MGAT5: variants seen among roughly 807,000 people sequenced by gnomAD.
The protein encoded by MGAT5 is alpha-1,6-mannosylglycoprotein 6-beta-N-acetylglucosaminyltransferase A.
Under a neutral mutation model 94.3 loss-of-function variants are expected in MGAT5, and 30 were observed. The ratio of observed to expected loss-of-function variants is 0.32; its 90% CI spans 0.24 to 0.43. The LOEUF (loss-of-function observed/expected upper bound fraction) is 0.43. Among genes scored for constraint, MGAT5 ranks in the 20% least tolerant of loss-of-function variants. The pLI, the probability that MGAT5 is intolerant of heterozygous loss-of-function variation, is 1.00. For synonymous variants in MGAT5, 310 were observed against 322.9 expected (o/e 0.96, Z 0.43); for missense variants, 691 against 905.5 (o/e 0.76, Z 3.04).
intron 7 of MGAT5, among the ~76,000 whole-genome samples, chr2:134,342,901 A>C (rs148472929): frequency 6.6e-6 from 1 of 152,252 alleles, no homozygotes; most frequent in East Asian, 1.9e-4. Context: ...TATTAAAAAT[A>C]ATTACACAAA....
At chr2:134,275,550 G>A (rs1684304291) in intron 2 of MGAT5, among the ~76,000 whole-genome samples, 1 of 136,340 alleles carries the variant, frequency 7.3e-6, no homozygotes, top group African/African-American at 2.8e-5. Flanking sequence ...ACACATTTTG[G>A]TTTTCACAAA....
chr2:134,128,760 C>T (rs887132443), intron 1 of MGAT5, among the ~76,000 whole-genome samples: 3 of 152,100 alleles, frequency 2.0e-5, no homozygotes, highest in Admixed American at 6.5e-5. Context: ...TGGAGAGACA[C>T]GAGTCTTACT....
intron 1 of MGAT5, among the ~76,000 whole-genome samples, chr2:134,219,105 G>T (rs2105345196): frequency 6.6e-6 from 1 of 152,282 alleles, no homozygotes; most frequent in East Asian, 1.9e-4. Flanking sequence ...AGGTGTGAGT[G>T]CGGTGGAGTG....
intron 1 of MGAT5, among the ~76,000 whole-genome samples, chr2:134,120,714 A>C (rs1037342972): frequency 6.6e-6 from 1 of 151,708 alleles, no homozygotes; most frequent in Non-Finnish European, 1.5e-5. Context: ...GTCACGCCGC[A>C]GGCGTGGGCC....
At chr2:134,329,556 C>G (rs1374104539) in intron 4 of MGAT5, among the ~76,000 whole-genome samples, 1 of 151,992 alleles carries the variant, frequency 6.6e-6, no homozygotes, top group Non-Finnish European at 1.5e-5. Flanking sequence ...AAAAGTTTAG[C>G]CAATGTGCTT....
intron 2 of MGAT5, among the ~76,000 whole-genome samples, chr2:134,312,739 C>T (rs1354628179): frequency 6.6e-6 from 1 of 152,128 alleles, no homozygotes; most frequent in Non-Finnish European, 1.5e-5. Context: ...GTTGGCATTT[C>T]AGCACGTGGC....
chr2:134,130,837 T>G (rs12615666), intron 1 of MGAT5, among the ~76,000 whole-genome samples: 9,164 of 152,180 alleles, frequency 0.06, 708 homozygotes, highest in East Asian at 0.26. Context: ...GTCTAGCTAA[T>G]CTAGTGGGGA....
chr2:134,326,287 G>A (rs1439110), intron 4 of MGAT5, among the ~76,000 whole-genome samples: 115,727 of 151,838 alleles, frequency 0.76, 45,086 homozygotes, highest in East Asian at 0.91. Flanking sequence ...TTTTATTATC[G>A]TTATGTAGTA....
At chr2:134,246,549 A>G (rs1682274082) in intron 1 of MGAT5, among the ~76,000 whole-genome samples, 1 of 152,202 alleles carries the variant, frequency 6.6e-6, no homozygotes, top group Non-Finnish European at 1.5e-5. Context: ...TTCTTACACC[A>G]GTAATCCTGT....
chr2:134,130,455 C>T (rs1009146962), intron 1 of MGAT5, among the ~76,000 whole-genome samples: 22 of 152,260 alleles, frequency 1.4e-4, no homozygotes, highest in Admixed American at 7.2e-4. Context: ...ATCCACTAGG[C>T]GAAGCTAGCT....
intron 2 of MGAT5, among the ~76,000 whole-genome samples, chr2:134,291,209 G>A (rs146491753): frequency 2.6e-5 from 4 of 152,274 alleles, no homozygotes; most frequent in African/African-American, 7.2e-5. Flanking sequence ...CCCCCAAGGC[G>A]ATGGTGTTAA....
chr2:134,297,310 A>G (rs1685735742), intron 2 of MGAT5, among the ~76,000 whole-genome samples: 1 of 152,092 alleles, frequency 6.6e-6, no homozygotes, highest in South Asian at 2.1e-4. Flanking sequence ...TCACTGGTGA[A>G]TTCTTTTAGG....
intron 1 of MGAT5, among the ~76,000 whole-genome samples, chr2:134,146,437 A>G (rs774647486): frequency 1.3e-5 from 2 of 151,934 alleles, no homozygotes; most frequent in Admixed American, 6.6e-5. Context: ...TCATGAGCCT[A>G]TAGTGCTAGT....
chr2:134,262,235 T>G (rs756683512), intron 1 of MGAT5, among the ~76,000 whole-genome samples: 16 of 152,204 alleles, frequency 1.1e-4, no homozygotes, highest in Non-Finnish European at 2.1e-4. Context: ...TGTTTTTGTT[T>G]TATTTTGTTT....
At chr2:134,360,762 G>T (rs7600309) in intron 9 of MGAT5, among the ~76,000 whole-genome samples, 141,589 of 152,254 alleles carry the variant, frequency 0.93, 66,505 homozygotes, top group East Asian at 1. Context: ...TTGTTGGCAG[G>T]AGAATTTATT....
chr2:134,190,820 A>AT (rs200215190), intron 1 of MGAT5, among the ~76,000 whole-genome samples: 2,026 of 151,794 alleles, frequency 0.013, 46 homozygotes, highest in African/African-American at 0.047. Context: ...TAATTTATGT[A>AT]TTTTTTTTAA....
intron 2 of MGAT5, among the ~76,000 whole-genome samples, chr2:134,305,515 G>A (rs1370329204): frequency 6.6e-6 from 1 of 152,086 alleles, no homozygotes; most frequent in Non-Finnish European, 1.5e-5. Flanking sequence ...TTCTTCTTCA[G>A]TTGCAAAAAG....
chr2:134,353,966 A>C (rs2106070583), intron 9 of MGAT5, among the ~76,000 whole-genome samples: 1 of 152,246 alleles, frequency 6.6e-6, no homozygotes, highest in African/African-American at 2.4e-5. Context: ...TGCTTGCAAG[A>C]GGGTCCCTTT....
intron 1 of MGAT5, among the ~76,000 whole-genome samples, chr2:134,213,533 T>C (rs1680312883): frequency 6.6e-6 from 1 of 152,122 alleles, no homozygotes; most frequent in South Asian, 2.1e-4. Flanking sequence ...CCCTACAAGT[T>C]TAGGGCTCAG....
Sources: allele counts gnomAD v4.1 joint callset (sites outside exome capture counted in the v4.1 genomes callset), GRCh38; gene constraint gnomAD v4.1.1; transcripts MANE v1.5; gene names NCBI Gene and HGNC (gene_info 2026-07-23, HGNC 2026-07-21).